Variants in SDK2 observed in about 807,000 individuals in gnomAD.
SDK2 encodes the protein protein sidekick-2.
Under a neutral mutation model 253.9 loss-of-function variants are expected in SDK2, and 105 were observed. The ratio of observed to expected loss-of-function variants is 0.41; its 90% CI spans 0.35 to 0.49. SDK2 has a LOEUF of 0.49. SDK2 is among the 20% of genes least tolerant of loss of function. SDK2 has a pLI of 0.06. For missense variants in SDK2, 2,608 were observed against 3,003.0 expected (o/e 0.87, Z 3.07); for synonymous variants, 1,249 against 1,234.9 (o/e 1.01, Z -0.24).
chr17:73,617,619 C>T (rs112198510), intron 1 of SDK2, among the ~76,000 whole-genome samples: 2 of 152,154 alleles, frequency 1.3e-5, no homozygotes, highest in African/African-American at 4.8e-5. Flanking sequence ...CAGCTATTTG[C>T]GTTCTCCTGA....
chr17:73,405,506 ATAT>A lies in SDK2; in HGVS notation c.2485-3368_2485-3366del, dbSNP rs1568385748. Among the ~76,000 whole-genome samples the A allele has an allele frequency of 9.5e-5, 8 of 84,512 alleles. 1 individual carries two copies. Among genetic ancestry groups the A allele is most frequent in the Admixed American group, 4.0e-4 (3 of 7,474 alleles). 55.4% of individuals were successfully genotyped at this position (84,512 alleles called of 152,430 possible). ...TATATATATATATATATATATATAT[ATAT>A]ATATATATAAAGATCGAGAATGTGG... On this transcript the variant is annotated intron_variant, in intron 18 of 44. Transcript: ENST00000392650.
At chr17:73,485,712 C>T (rs1046654271) in intron 2 of SDK2, among the ~76,000 whole-genome samples, 1 of 152,174 alleles carries the variant, frequency 6.6e-6, no homozygotes, top group Non-Finnish European at 1.5e-5. Context: ...ATATGATATT[C>T]AAATTTCTGT....
At chr17:73,556,537 G>A (rs2045146868) in intron 1 of SDK2, among the ~76,000 whole-genome samples, 1 of 152,204 alleles carries the variant, frequency 6.6e-6, no homozygotes, top group Admixed American at 6.5e-5. Context: ...TTTTGGTAGA[G>A]GCATTCACGT....
At chr17:73,372,740 C>T (rs548093021) in intron 36 of SDK2, among the ~76,000 whole-genome samples, 2 of 149,550 alleles carry the variant, frequency 1.3e-5, no homozygotes, top group South Asian at 2.1e-4. Flanking sequence ...GACTCTGTCT[C>T]GAAAAAAACA....
chr17:73,507,779 G>A (rs540555773), intron 1 of SDK2, among the ~76,000 whole-genome samples, 182 bp from the exon 2 acceptor site: 7 of 152,270 alleles, frequency 4.6e-5, no homozygotes, highest in East Asian at 1.9e-4. Flanking sequence ...GGTCTTCAGC[G>A]GGAGTCACCG....
intron 22 of SDK2, among the ~76,000 whole-genome samples, chr17:73,398,962 T>C (rs1227419060): frequency 1.3e-5 from 2 of 152,130 alleles, no homozygotes; most frequent in Non-Finnish European, 1.5e-5. Flanking sequence ...GAGGGGACTG[T>C]AGTGTGTGTG....
chr17:73,520,111 A>T (rs2064065149), intron 1 of SDK2: 1 of 152,372 alleles, frequency 6.6e-6, no homozygotes, highest in Non-Finnish European at 1.5e-5. Flanking sequence ...AAGCCTGCAC[A>T]TGCCTGCCGG....
intron 1 of SDK2, among the ~76,000 whole-genome samples, chr17:73,508,140 C>A (rs2063950135): frequency 6.6e-6 from 1 of 152,260 alleles, no homozygotes; most frequent in Non-Finnish European, 1.5e-5. Flanking sequence ...CTGTTTCTTC[C>A]ATCCTGGGTC....
rs374825440 is a variant in SDK2, at chr17:73,502,383, TC to T, written c.224+5054del. On this transcript the variant is annotated intron_variant, in intron 2 of 44. Coordinates refer to ENST00000392650, the MANE Select transcript of SDK2 (RefSeq NM_001144952.2). ...CCGTGGGCTATGAAGCTGGACAGTC[TC>T]CTATGGAATGCACTTTTCAGTATGC... Among the ~76,000 whole-genome samples, 432 of 152,262 alleles carry T rather than the reference TC, an allele frequency of 2.8e-3. 1 individual carries two copies. Among genetic ancestry groups the T allele is most frequent in the African/African-American group, 9.9e-3 (413 of 41,542 alleles).
At position 73,433,709 on chromosome 17, in the gene SDK2, C is replaced by T. The variant is rs188717459; in HGVS notation, c.1312+23G>A. ...TTCTAGGCTATCACCCAGCCACACT[C>T]TCTGAAGGTGTGTTCCATCTACCTT... On this transcript the variant is annotated intron_variant, in intron 10 of 44. Transcript: ENST00000392650. The T allele has an allele frequency of 1.2e-5, 19 of 1,534,118 alleles. No individual in the cohort carries two copies. The East Asian group carries it at 4.0e-4, about 32-fold the overall frequency.
At chr17:73,421,983 C>T (rs1277432528) in intron 15 of SDK2, among the ~76,000 whole-genome samples, 4 of 152,088 alleles carry the variant, frequency 2.6e-5, no homozygotes, top group Non-Finnish European at 1.5e-5. Context: ...TTAACAATGA[C>T]AGCAGCCCAT....
intron 1 of SDK2, chr17:73,516,959 A>G (rs1171699952): frequency 6.6e-6 from 1 of 152,190 alleles, no homozygotes. Context: ...TGGCGGGGCC[A>G]GTCTAGGGAA....
At position 73,534,014 on chromosome 17, in the gene SDK2, GC is replaced by G. The variant is rs2064193589; in HGVS notation, c.65-26418del. 6.6e-6 allele frequency among the ~76,000 whole-genome samples: 1 copy of G among 152,138 alleles called. No homozygotes were observed. Among genetic ancestry groups the G allele is most frequent in the Non-Finnish European group, 1.5e-5 (1 of 68,030 alleles). On this transcript the variant is annotated intron_variant, in intron 1 of 44. Transcript: ENST00000392650. The surrounding 1 kb of genome is among the most constrained non-coding windows in gnomAD (Gnocchi z 4.9). ...GGCAACATCTGCACCTCCGCTTGCA[GC>G]CAAGACGCCATTCTGCTCCGCCTGC...
chr17:73,523,247 G>C (rs918786153), intron 1 of SDK2, among the ~76,000 whole-genome samples: 1 of 151,800 alleles, frequency 6.6e-6, no homozygotes, highest in African/African-American at 2.4e-5. Flanking sequence ...GAGGATGTCT[G>C]GTTATGCCAG....
intron 27 of SDK2, among the ~76,000 whole-genome samples, chr17:73,392,027 G>A (rs78394146): frequency 0.032 from 4,865 of 152,252 alleles, 258 homozygotes; most frequent in African/African-American, 0.11. Context: ...GCCTAAGCAC[G>A]CTTCCAGAGG....
intron 1 of SDK2, among the ~76,000 whole-genome samples, chr17:73,582,995 C>G (rs567820996): frequency 8.5e-5 from 13 of 152,208 alleles, no homozygotes; most frequent in Non-Finnish European, 1.8e-4. Context: ...GGCCTTTACA[C>G]AGCCCGCCTC....
intron 36 of SDK2, among the ~76,000 whole-genome samples, chr17:73,375,552 C>T (rs1280317256): frequency 6.6e-6 from 1 of 150,626 alleles, no homozygotes; most frequent in Non-Finnish European, 1.5e-5. Context: ...CAGCCCTTAA[C>T]AACCCATTTA....
intron 1 of SDK2, among the ~76,000 whole-genome samples, chr17:73,537,253 T>C (rs1599659233): frequency 6.6e-6 from 1 of 152,302 alleles, no homozygotes; most frequent in East Asian, 1.9e-4. Context: ...CCTCCTGCCC[T>C]GCTCGCCTTG....
rs1295117563 is a variant in SDK2, at chr17:73,394,212, A to G, written c.3705T>C (p.Tyr1235=). The G allele has an allele frequency of 6.4e-7, 1 of 1,558,506 alleles. No homozygotes were observed. The stretch of plus-strand genomic sequence containing the variant: ...CTCCTGGGATCCCGGGACTCACCTT[A>G]TAGCCCAGCACGAGCCCGTTGCGAT... ...EADRNGLVLG[Y]KVMYKEKDSD... is the part of the protein sequence containing the mutation. Residue 1235 remains tyrosine, a synonymous_variant, in exon 26 of 45, where the codon TAT becomes TAC. Coordinates refer to ENST00000392650, the MANE Select transcript of SDK2 (RefSeq NM_001144952.2).
Sources: allele counts gnomAD v4.1 joint callset (sites outside exome capture counted in the v4.1 genomes callset), GRCh38; gene constraint gnomAD v4.1.1; non-coding constraint Gnocchi (gnomAD v3.1); transcripts MANE v1.5; gene names NCBI Gene and HGNC (gene_info 2026-07-23, HGNC 2026-07-21).